RAD54L2: variants seen among roughly 807,000 people sequenced by gnomAD.
RAD54L2 encodes the protein helicase ARIP4.
Under a neutral mutation model 138.4 loss-of-function variants are expected in RAD54L2, and 27 were observed. The ratio of observed to expected loss-of-function variants is 0.20; its 90% confidence interval spans 0.14 to 0.27. RAD54L2 has a LOEUF of 0.27. Ranked by LOEUF, RAD54L2 falls within the 10% of genes least tolerant of loss-of-function variation. The pLI is 1.00. For synonymous variants in RAD54L2, 644 were observed against 723.2 expected, an observed-to-expected ratio of 0.89 and a Z score of 1.76; for missense variants, 1,396 against 1,890.2, an observed-to-expected ratio of 0.74 and a Z score of 4.85.
Position 51,560,319 on chromosome 3 carries a change from C to G in RAD54L2, c.-55+18669C>G, listed in dbSNP as rs575331338. ...TTGAGGTTTGAAGAGCAATACTTTA[C>G]TAGCATAATTTATTTTACCTTCCAA... On this transcript the variant is annotated intron_variant, in intron 2 of 22. Transcript: ENST00000684192. 2.0e-5 allele frequency among the ~76,000 whole-genome samples: 3 copies of G among 151,548 alleles called. No individual in the cohort carries two copies. In the South Asian group the frequency reaches 6.3e-4, roughly 32 times the overall value.
chr3:51,653,577 C>T (rs1470835229), intron 19 of RAD54L2, among the ~76,000 whole-genome samples: 1 of 152,110 alleles, frequency 6.6e-6, no homozygotes, highest in Admixed American at 6.6e-5. Context: ...GTGGCACATA[C>T]ACACCATGGA....
Position 51,538,768 on chromosome 3 carries a change from C to A in RAD54L2, c.-264C>A, listed in dbSNP as rs1553670627. 6.6e-6 allele frequency among the ~76,000 whole-genome samples: 1 copy of A among 151,904 alleles called. No homozygotes were observed. Reference sequence around the variant, plus strand: ...AGACCGACGCTTGGCCAGAGCCAGCCCGCGGCGCCCGGGCCTGGCCGGCTG... The same window carrying A: ...AGACCGACGCTTGGCCAGAGCCAGCACGCGGCGCCCGGGCCTGGCCGGCTG... On this transcript the variant is annotated 5_prime_UTR_variant, in exon 1 of 23. Transcript: ENST00000684192.
intron 7 of RAD54L2, 33 bp downstream of exon 7, chr3:51,630,964 CTT>C: frequency 6.4e-7 from 1 of 1,565,634 alleles, no homozygotes; most frequent in Non-Finnish European, 8.8e-7. Flanking sequence ...TCTCCTTTTC[CTT>C]TTTGTTTCCT....
rs1699740041 is a variant in RAD54L2, at chr3:51,587,747, A to G, written c.-54-2620A>G. Among the ~76,000 whole-genome samples the G allele has an allele frequency of 2.0e-5, 3 of 152,250 alleles. No individual in the cohort carries two copies. The South Asian group carries it at 6.2e-4, about 32-fold the overall frequency. On this transcript the variant is annotated intron_variant, in intron 2 of 22. Coordinates refer to ENST00000684192, the MANE Select transcript of RAD54L2 (RefSeq NM_015106.4). ...TTTTTTCTTTTCTGTTCAGGAGAAG[A>G]TAGATGTTATGTTTCAAATTATCTG... is the stretch of plus-strand genomic sequence containing the variant.
intron 2 of RAD54L2, among the ~76,000 whole-genome samples, chr3:51,555,988 C>T (rs1202593398): frequency 6.6e-6 from 1 of 152,108 alleles, no homozygotes; most frequent in African/African-American, 2.4e-5. Flanking sequence ...AAGAGGTGGT[C>T]TTCATTGTTT....
chr3:51,633,991 C>T lies in RAD54L2; in HGVS notation c.1098C>T (p.Val366=), dbSNP rs1473304326. The T allele has an allele frequency of 6.2e-7, 1 of 1,613,954 alleles. No individual in the cohort carries two copies. Among genetic ancestry groups the T allele is most frequent in the African/African-American group, 1.3e-5 (1 of 75,044 alleles). The change falls in exon 9 of 23, where the codon GTC becomes GTT. Residue 366 remains valine (V), a synonymous_variant. Coordinates refer to ENST00000684192, the MANE Select transcript of RAD54L2 (RefSeq NM_015106.4). The stretch of plus-strand genomic sequence containing the variant: ...CGGCTGACAACAAGCCTGAAGAAGT[C>T]CAGCCTCGGTTCTTTAAAGTTCACA... ...ALPADNKPEE[V]QPRFFKVHIL...
intron 3 of RAD54L2, among the ~76,000 whole-genome samples, chr3:51,595,458 A>C (rs143742773): frequency 2.6e-5 from 4 of 152,316 alleles, no homozygotes; most frequent in South Asian, 2.1e-4. Flanking sequence ...ATCTTTTACA[A>C]AGGTGGGATG....
chr3:51,582,926 C>T (rs1009842981), intron 2 of RAD54L2, among the ~76,000 whole-genome samples: 40 of 152,144 alleles, frequency 2.6e-4, no homozygotes, highest in Admixed American at 5.2e-4. Flanking sequence ...CCACCGCGCC[C>T]GGCTAATTTT....
intron 1 of RAD54L2, chr3:51,541,322 A>G (rs1207878147): frequency 2.0e-5 from 3 of 152,194 alleles, no homozygotes; most frequent in African/African-American, 7.2e-5. Context: ...TTATCTTAAC[A>G]TCTCCATGGA....
chr3:51,640,085 G>C (rs112763323), intron 14 of RAD54L2, 86 bp downstream of exon 14: 5 of 981,548 alleles, frequency 5.1e-6, no homozygotes, highest in African/African-American at 4.9e-5. Flanking sequence ...GACCACCCCC[G>C]CCTCCCCCAA....
intron 2 of RAD54L2, among the ~76,000 whole-genome samples, chr3:51,543,576 C>T (rs1698609968): frequency 6.7e-6 from 1 of 149,664 alleles, no homozygotes; most frequent in Non-Finnish European, 1.5e-5. Context: ...CTAGTGCACT[C>T]CAGCCTAGGC....
intron 2 of RAD54L2, among the ~76,000 whole-genome samples, chr3:51,568,127 T>C (rs1189163245): frequency 6.6e-6 from 1 of 152,032 alleles, no homozygotes; most frequent in Non-Finnish European, 1.5e-5. Context: ...TTTGGTAGTT[T>C]ATTACTTAGT....
At chr3:51,572,452 TAAA>T (rs529261675) in intron 2 of RAD54L2, among the ~76,000 whole-genome samples, 4 of 109,506 alleles carry the variant, frequency 3.7e-5, no homozygotes, top group Non-Finnish European at 1.9e-5. Context: ...GACTCCGTCT[TAAA>T]AAAAAAAAAA....
At chr3:51,607,618 G>T (rs2106749293) in intron 3 of RAD54L2, among the ~76,000 whole-genome samples, 1 of 152,330 alleles carries the variant, frequency 6.6e-6, no homozygotes, top group South Asian at 2.1e-4. Context: ...ATGAGCTGTT[G>T]GGTACACCTC....
chr3:51,571,094 T>C (rs1428318103), intron 2 of RAD54L2, among the ~76,000 whole-genome samples: 2 of 152,212 alleles, frequency 1.3e-5, no homozygotes, highest in Non-Finnish European at 2.9e-5. Context: ...GTGTTGGGAT[T>C]ATAGGAGTAA....
At chr3:51,624,670 C>T (rs1377130611) in intron 3 of RAD54L2, among the ~76,000 whole-genome samples, 3 of 152,210 alleles carry the variant, frequency 2.0e-5, no homozygotes, top group East Asian at 1.9e-4. Flanking sequence ...GATATAATAA[C>T]GGGCATAGCT....
chr3:51,641,638 G>T, intron 14 of RAD54L2, 111 bp from the exon 15 acceptor site: 1 of 679,996 alleles, frequency 1.5e-6, no homozygotes, highest in Non-Finnish European at 2.5e-6. Flanking sequence ...CTTTTCAGTG[G>T]TAGGTTGTGG....
intron 2 of RAD54L2, among the ~76,000 whole-genome samples, chr3:51,551,591 C>T (rs745861046): frequency 2.0e-5 from 3 of 149,112 alleles, no homozygotes; most frequent in Non-Finnish European, 4.5e-5. Flanking sequence ...ATGTGCCACA[C>T]GCCTGGCTAA....
chr3:51,562,292 C>T (rs923089203), intron 2 of RAD54L2, among the ~76,000 whole-genome samples: 24 of 149,876 alleles, frequency 1.6e-4, no homozygotes, highest in African/African-American at 4.9e-4. Context: ...AGTGCAGTGG[C>T]GTGATCTCGG....
Sources: allele counts gnomAD v4.1 joint callset (sites outside exome capture counted in the v4.1 genomes callset), GRCh38; gene constraint gnomAD v4.1.1; transcripts MANE v1.5; gene names NCBI Gene and HGNC (gene_info 2026-07-23, HGNC 2026-07-21).